RGL1: variants seen among roughly 807,000 people sequenced by gnomAD.
RGL1 encodes the protein ral guanine nucleotide dissociation stimulator-like 1.
RGL1 carries 24 observed loss-of-function variants against 95.2 expected under a neutral mutation model. The observed-to-expected ratio is 0.25, with a 90% CI of 0.18 to 0.35. The LOEUF is 0.35. Among genes scored for constraint, RGL1 ranks in the 10% least tolerant of loss-of-function variants. RGL1 has a pLI of 1.00. For missense variants in RGL1, 715 were observed against 936.3 expected, an observed-to-expected ratio of 0.76 and a Z score of 3.08; for synonymous variants, 329 against 344.9, an observed-to-expected ratio of 0.95 and a Z score of 0.51.
intron 1 of RGL1, among the ~76,000 whole-genome samples, chr1:183,697,294 A>G (rs1227900476): frequency 6.6e-6 from 1 of 152,162 alleles, no homozygotes; most frequent in Non-Finnish European, 1.5e-5. Context: ...AACGGCCCTA[A>G]TCACTCACTA....
chr1:183,685,464 T>C (rs1217300999), intron 1 of RGL1, among the ~76,000 whole-genome samples: 1 of 152,214 alleles, frequency 6.6e-6, no homozygotes, highest in East Asian at 1.9e-4. Context: ...CCTTTACAAA[T>C]GTGGCAAAGA....
intron 1 of RGL1, among the ~76,000 whole-genome samples, chr1:183,681,328 T>G (rs1280609278): frequency 6.6e-6 from 1 of 152,216 alleles, no homozygotes; most frequent in East Asian, 1.9e-4. Context: ...AAATGGCTCT[T>G]ATTATTTTGA....
chr1:183,776,424 A>T (rs1403927708), intron 2 of RGL1, among the ~76,000 whole-genome samples: 1 of 152,034 alleles, frequency 6.6e-6, no homozygotes, highest in Non-Finnish European at 1.5e-5. Context: ...CTGGGATTAC[A>T]GGCGTGAGCC....
chr1:183,913,182 C>CTTTT lies in RGL1; in HGVS notation c.1749+939_1749+942dup, dbSNP rs537751695. Among the ~76,000 whole-genome samples, 300 of 68,278 alleles carry CTTTT rather than the reference C, an allele frequency of 4.4e-3. 38 individuals carry two copies. Among genetic ancestry groups the CTTTT allele is most frequent in the African/African-American group, 0.012 (196 of 15,938 alleles). The allele number at this position is 68,278 out of a possible 152,430, so 44.8% of individuals were successfully genotyped here. ...TAAGATCTTAATTAAGACCAGTCTT[C>CTTTT]TTTTTTTTTTTTTTTTTTTTTTTTT... On this transcript the variant is annotated intron_variant, in intron 15 of 17. Coordinates refer to ENST00000360851, the MANE Select transcript of RGL1 (RefSeq NM_001297671.3).
chr1:183,805,702 G>C (rs1661249637), intron 1 of RGL1, among the ~76,000 whole-genome samples: 1 of 152,206 alleles, frequency 6.6e-6, no homozygotes, highest in African/African-American at 2.4e-5. Context: ...GATTTTAGTA[G>C]AAGCTGCCTG....
intron 14 of RGL1, among the ~76,000 whole-genome samples, chr1:183,910,499 A>G (rs906125339): frequency 3.3e-5 from 5 of 152,122 alleles, no homozygotes; most frequent in African/African-American, 9.7e-5. Flanking sequence ...GAGGATTCCT[A>G]TGGTTCACCA....
intron 2 of RGL1, among the ~76,000 whole-genome samples, chr1:183,810,033 A>T (rs568268271): frequency 9.8e-5 from 15 of 152,312 alleles, no homozygotes; most frequent in African/African-American, 3.6e-4. Context: ...AAAACTTGTT[A>T]TTTGTCTTTG....
intron 2 of RGL1, among the ~76,000 whole-genome samples, chr1:183,744,126 A>C (rs1477418800): frequency 6.6e-6 from 1 of 152,196 alleles, no homozygotes; most frequent in East Asian, 1.9e-4. Flanking sequence ...GAAGAGAAAG[A>C]GGAATCTTCC....
intron 2 of RGL1, among the ~76,000 whole-genome samples, chr1:183,777,951 TG>T (rs1394213289): frequency 6.6e-6 from 1 of 152,220 alleles, no homozygotes; most frequent in Non-Finnish European, 1.5e-5. Context: ...ACATCTCATT[TG>T]GAAGTGGGAT....
chr1:183,664,652 A>G (rs1651907545), intron 1 of RGL1, among the ~76,000 whole-genome samples: 1 of 150,156 alleles, frequency 6.7e-6, no homozygotes, highest in Non-Finnish European at 1.5e-5. Flanking sequence ...AAATTTATGA[A>G]CTAGTCTTAA....
At position 183,927,243 on chromosome 1, in the gene RGL1, A is replaced by C. The variant is rs1041180413; in HGVS notation, c.*951A>C. The C allele has an allele frequency of 6.6e-6, 1 of 152,456 alleles. No individual in the cohort carries two copies. The highest frequency in any genetic ancestry group is 1.5e-5 in the Non-Finnish European group (1 of 68,000). The allele number at this position is 152,456 out of a possible 1,614,324, so 9.4% of individuals were successfully genotyped here. On this transcript the variant is annotated 3_prime_UTR_variant, in exon 18 of 18. Coordinates refer to ENST00000360851, the MANE Select transcript of RGL1 (RefSeq NM_001297671.3). ...TTCTCTGATTGCCTTTTGCATGTAAAACTATGTGTCTGGAGTCTTTTGCCA... is the reference window on the plus strand; with the variant it reads ...TTCTCTGATTGCCTTTTGCATGTAACACTATGTGTCTGGAGTCTTTTGCCA...
rs1411371596 is a variant in RGL1, at chr1:183,912,255, A to G, written c.1736A>G (p.Glu579Gly). ...ATTACTCCCATGGACACCCCTGATG[A>G]GCCTCAAAAAAAGGTATATACTCAA... Reference protein sequence around the residue: ...GSITPMDTPDEPQKKLSESSS... With the variant: ...GSITPMDTPDGPQKKLSESSS... The change falls in exon 15 of 18, where the codon GAG (glutamate) becomes GGG (glycine). Residue 579 changes from glutamate (E) to glycine (G), a missense_variant. Glu to Gly is a moderately conservative substitution (Grantham distance 98). Coordinates refer to ENST00000360851, the MANE Select transcript of RGL1 (RefSeq NM_001297671.3). The G allele has an allele frequency of 6.2e-7, 1 of 1,613,578 alleles. No individual in the cohort carries two copies.
chr1:183,912,307 A>G, intron 15 of RGL1, 39 bp downstream of exon 15: 2 of 1,540,296 alleles, frequency 1.3e-6, no homozygotes, highest in South Asian at 1.2e-5. Flanking sequence ...TAATGCAGGC[A>G]CCTACATGCT....
intron 1 of RGL1, among the ~76,000 whole-genome samples, chr1:183,716,842 G>T (rs531897650): frequency 6.6e-6 from 1 of 152,228 alleles, no homozygotes; most frequent in Admixed American, 6.5e-5. Flanking sequence ...AAAAGAAAAT[G>T]TTCTGTGTGA....
chr1:183,899,808 C>T (rs2102693732), intron 10 of RGL1, among the ~76,000 whole-genome samples: 1 of 152,304 alleles, frequency 6.6e-6, no homozygotes, highest in East Asian at 1.9e-4. Flanking sequence ...CTATCCAGTG[C>T]CATCCCCAAC....
intron 6 of RGL1, 49 bp downstream of exon 6, chr1:183,883,959 G>T (rs1666969210): frequency 6.3e-7 from 1 of 1,598,872 alleles, no homozygotes; most frequent in Non-Finnish European, 8.6e-7. Flanking sequence ...AAACATAGGG[G>T]AGTGATGGCA....
chr1:183,697,325 T>C (rs1335278863), intron 1 of RGL1, among the ~76,000 whole-genome samples: 1 of 152,196 alleles, frequency 6.6e-6, no homozygotes, highest in African/African-American at 2.4e-5. Context: ...ATTGCTTATT[T>C]CTCCCTATTG....
chr1:183,648,244 A>G (rs746699143), intron 1 of RGL1: 2 of 1,614,104 alleles, frequency 1.2e-6, no homozygotes, highest in East Asian at 4.5e-5. Context: ...CGCGGCCATA[A>G]GCTGGCCAGG....
At chr1:183,915,812 A>G (rs563078506) in intron 15 of RGL1, among the ~76,000 whole-genome samples, 2 of 152,162 alleles carry the variant, frequency 1.3e-5, no homozygotes, top group Admixed American at 1.3e-4. Context: ...TGCTCTGGGA[A>G]CTCGACAGTG....
Sources: allele counts gnomAD v4.1 joint callset (sites outside exome capture counted in the v4.1 genomes callset), GRCh38; gene constraint gnomAD v4.1.1; transcripts MANE v1.5; gene names NCBI Gene and HGNC (gene_info 2026-07-23, HGNC 2026-07-21).